Variants in SH3YL1 observed in about 807,000 individuals in gnomAD.
SH3YL1 encodes the protein SH3 domain-containing YSC84-like protein 1.
A neutral mutation model predicts 45.8 loss-of-function variants in SH3YL1; 41 were observed. The ratio of observed to expected loss-of-function variants is 0.89; its 90% CI spans 0.70 to 1.16. SH3YL1 has a LOEUF of 1.16. SH3YL1 is among the 50% of genes most tolerant of loss of function. The probability of loss-of-function intolerance (pLI) is 0.00; values close to 1 mark genes in which losing one functional copy is unlikely to be tolerated. For synonymous variants in SH3YL1, 152 were observed against 151.4 expected (o/e 1.00, Z -0.03); for missense variants, 389 against 409.6 (o/e 0.95, Z 0.43).
chr2:232,263 T>C (rs1287204968), intron 6 of SH3YL1, among the ~76,000 whole-genome samples: 1 of 151,910 alleles, frequency 6.6e-6, no homozygotes, highest in Non-Finnish European at 1.5e-5. Context: ...AATCAAACTG[T>C]ATTTTAAATT....
At chr2:264,315 C>A (rs1669747991), upstream of SH3YL1, 1 of 321,126 alleles carries the variant, frequency 3.1e-6, no homozygotes, top group Non-Finnish European at 5.7e-6. Context: ...GGCGTGGACC[C>A]CGCGGGGCTC....
rs542644102 is a variant in SH3YL1, at chr2:252,551, CCT to C, written c.112+452_112+453del. On this transcript the variant is annotated intron_variant, in intron 2 of 9. Coordinates refer to ENST00000356150, the MANE Select transcript of SH3YL1 (RefSeq NM_015677.4). ...GCTGGCCCTGTCCAGACCCCTTCCACCTGGAGTAGCAAGGCCTTATGATGACT... is the reference window on the plus strand; with the variant it reads ...GCTGGCCCTGTCCAGACCCCTTCCACGGAGTAGCAAGGCCTTATGATGACT... 3.4e-4 allele frequency among the ~76,000 whole-genome samples: 52 copies of C among 152,232 alleles called. No individual in the cohort carries two copies. The South Asian group carries it at 0.011, about 31-fold the overall frequency.
At chr2:246,795 A>C (rs1053081942) in intron 4 of SH3YL1, among the ~76,000 whole-genome samples, 4 of 151,998 alleles carry the variant, frequency 2.6e-5, no homozygotes, top group African/African-American at 9.7e-5. Flanking sequence ...TGAGTAAGAA[A>C]GATTGAATAA....
chr2:226,038 AG>A (rs1211879057), intron 8 of SH3YL1, among the ~76,000 whole-genome samples: 1 of 152,220 alleles, frequency 6.6e-6, no homozygotes, highest in African/African-American at 2.4e-5. Flanking sequence ...GGGGAAAATT[AG>A]GAAAATGAGC....
rs937502450 is a variant in SH3YL1 at position 249,739 on chromosome 2, G to A, written c.218C>T (p.Pro73Leu). Residue 73 changes from proline (P) to leucine (L), a missense_variant, in exon 3 of 10, where the codon CCA becomes CTA. By Grantham distance (98) the Pro-to-Leu change is moderately conservative. Transcript: ENST00000356150. ...AACAGACGCCAACTTACTTCCATCT[G>A]GAAGGCGCGCCACTACAATCCCGCT... Reference protein sequence around the residue: ...GGSGIVVARLPDGKWSAPSAI... With the variant: ...GGSGIVVARLLDGKWSAPSAI... 1.9e-6 allele frequency: 3 copies of A among 1,551,038 alleles called. No homozygotes were observed. The African/African-American group carries it at 4.1e-5, about 21-fold the overall frequency.
chr2:250,991 G>A (rs1419580187), intron 2 of SH3YL1, among the ~76,000 whole-genome samples: 1 of 152,204 alleles, frequency 6.6e-6, no homozygotes, highest in African/African-American at 2.4e-5. Context: ...ACAGCCACCT[G>A]TTGGCAGAAT....
At position 252,834 on chromosome 2, in the gene SH3YL1, C is replaced by T. The variant is rs1330693962; in HGVS notation, c.112+171G>A. ...AGTTGTAATGAACAGGTAGTAGTTT[C>T]CAAAGCATCCCTGGATCAGTCATGA... On this transcript the variant is annotated intron_variant, in intron 2 of 9. Coordinates refer to ENST00000356150, the MANE Select transcript of SH3YL1 (RefSeq NM_015677.4). 2.0e-5 allele frequency among the ~76,000 whole-genome samples: 3 copies of T among 152,088 alleles called. No homozygotes were observed. In the East Asian group the frequency reaches 5.8e-4, roughly 29 times the overall value.
chr2:251,780 G>C lies in SH3YL1; in HGVS notation c.112+1225C>G, dbSNP rs572878624. Among the ~76,000 whole-genome samples the C allele has an allele frequency of 3.3e-5, 5 of 152,302 alleles. No individual in the cohort carries two copies. In the East Asian group the frequency reaches 9.6e-4, roughly 29 times the overall value. On this transcript the variant is annotated intron_variant, in intron 2 of 9. Coordinates refer to ENST00000356150, the MANE Select transcript of SH3YL1 (RefSeq NM_015677.4). ...GCACCGTTTCCTCAAGACAGGAGAA[G>C]TCACCGGGCCAATGCAACAACAATT...
intron 1 of SH3YL1, among the ~76,000 whole-genome samples, chr2:258,291 G>C (rs988866065): frequency 6.6e-6 from 1 of 152,290 alleles, no homozygotes; most frequent in Middle Eastern, 3.4e-3. Flanking sequence ...CTTGAACAAG[G>C]AATGTTTTTC....
chr2:252,937 G>C, intron 2 of SH3YL1, 68 bp downstream of exon 2: 1 of 972,820 alleles, frequency 1.0e-6, no homozygotes, highest in Non-Finnish European at 1.6e-6. Flanking sequence ...ATGGAGTGTC[G>C]AACAATGCAA....
chr2:255,006 T>C (rs1669253456), intron 1 of SH3YL1, among the ~76,000 whole-genome samples: 1 of 152,206 alleles, frequency 6.6e-6, no homozygotes, highest in Non-Finnish European at 1.5e-5. Context: ...ATCTTACATA[T>C]ATTGATTGAT....
Position 233,203 on chromosome 2 carries a change from C to A in SH3YL1, c.431G>T (p.Arg144Ile). 1 of 1,583,068 alleles carries A rather than the reference C, an allele frequency of 6.3e-7. No homozygotes were observed. The highest frequency in any genetic ancestry group is 8.6e-7 in the Non-Finnish European group (1 of 1,163,032). Residue 144 changes from arginine (R) to isoleucine (I), a missense_variant, in exon 6 of 10, where the codon AGA (arginine) becomes ATA (isoleucine). Physicochemically the swap from Arg to Ile is moderately conservative, Grantham distance 97. Coordinates refer to ENST00000356150, the MANE Select transcript of SH3YL1 (RefSeq NM_015677.4). ...GRNLEGNVAL[R>I]SSAAVFTYCK... is the part of the protein sequence containing the mutation. ...GTACGTGAAGACGGCAGCGGAGCTT[C>A]TCAGGGCCACGTTTCCTTCCAAGTT...
intron 4 of SH3YL1, 105 bp from the exon 5 acceptor site, chr2:234,377 T>A (rs190509530): frequency 1.3e-6 from 1 of 756,622 alleles, no homozygotes; most frequent in East Asian, 2.7e-5. Flanking sequence ...TAGCAAAACA[T>A]CAATAGAGAC....
At chr2:230,239 G>T in intron 7 of SH3YL1, 195 bp from the exon 8 acceptor site, 1 of 420,712 alleles carries the variant, frequency 2.4e-6, no homozygotes. Context: ...GATGTGGACA[G>T]GGTGTGCTCT....
At chr2:240,499 A>G (rs1299864379) in intron 4 of SH3YL1, 3 of 152,218 alleles carry the variant, frequency 2.0e-5, no homozygotes, top group African/African-American at 7.2e-5. Context: ...GCTCCATGAC[A>G]GCAACAAGCT....
In SH3YL1 at chr2:258,790, G is replaced by A. The variant is rs116369001; in HGVS notation, c.1+5194C>T. On this transcript the variant is annotated intron_variant, in intron 1 of 9. Coordinates refer to ENST00000356150, the MANE Select transcript of SH3YL1 (RefSeq NM_015677.4). ...TTCGAATGGCTGTCCCCAGCCTGAT[G>A]CAAGCACTGTGAATAGTTCACCTCA... 5.3e-3 allele frequency among the ~76,000 whole-genome samples: 807 copies of A among 152,278 alleles called. 10 individuals are homozygous for A. The highest frequency in any genetic ancestry group is 0.019 in the African/African-American group (769 of 41,538).
chr2:240,130 C>T (rs1289939121), intron 4 of SH3YL1: 2 of 152,312 alleles, frequency 1.3e-5, no homozygotes, highest in African/African-American at 2.4e-5. Flanking sequence ...CACCCAGAAC[C>T]CATGTGTAAG....
intron 8 of SH3YL1, among the ~76,000 whole-genome samples, chr2:229,501 G>A (rs893087110): frequency 2.0e-5 from 3 of 151,930 alleles, no homozygotes; most frequent in Admixed American, 6.6e-5. Context: ...AGGCCGAGGC[G>A]GGCAGATCAC....
intron 4 of SH3YL1, among the ~76,000 whole-genome samples, chr2:245,252 T>G (rs1668743930): frequency 6.6e-6 from 1 of 152,264 alleles, no homozygotes; most frequent in Middle Eastern, 3.4e-3. Flanking sequence ...GGTTAAGAAG[T>G]TTAAAACTCA....
Sources: allele counts gnomAD v4.1 joint callset (sites outside exome capture counted in the v4.1 genomes callset), GRCh38; gene constraint gnomAD v4.1.1; transcripts MANE v1.5; gene names NCBI Gene and HGNC (gene_info 2026-07-23, HGNC 2026-07-21).